GULP1: variants seen among roughly 807,000 people sequenced by gnomAD.
The protein encoded by GULP1 is GULP PTB domain containing engulfment adaptor 1, also known as PTB domain-containing engulfment adapter protein 1.
In GULP1, 19 loss-of-function variants were observed where a neutral mutation model predicts 40.9. That is an observed-to-expected ratio of 0.46 (90% CI 0.32 to 0.68). The LOEUF is 0.68. GULP1 is among the 30% of genes least tolerant of loss of function. The pLI is 0.03. For synonymous variants in GULP1, 119 were observed against 117.6 expected (o/e 1.01, Z -0.08); for missense variants, 312 against 362.2 (o/e 0.86, Z 1.12).
intron 2 of GULP1, among the ~76,000 whole-genome samples, chr2:188,445,298 A>C (rs2058288457): frequency 6.7e-6 from 1 of 150,106 alleles, no homozygotes; most frequent in Non-Finnish European, 1.5e-5. Context: ...TGTTTAAAGG[A>C]AAAAAAAACA....
At chr2:188,372,523 A>G (rs2047732383) in intron 1 of GULP1, among the ~76,000 whole-genome samples, 1 of 152,020 alleles carries the variant, frequency 6.6e-6, no homozygotes, top group African/African-American at 2.4e-5. Flanking sequence ...ATATGACCTC[A>G]TATTTGTATT....
At position 188,584,127 on chromosome 2, in the gene GULP1, T is replaced by C. The variant is rs1701884058; in HGVS notation, c.610-138T>C. The C allele has an allele frequency of 9.1e-6, 5 of 550,548 alleles. No homozygotes were observed. The East Asian group carries it at 1.5e-4, about 16-fold the overall frequency. 34.1% of individuals were successfully genotyped at this position (550,548 alleles called of 1,614,324 possible). A position where few individuals can be genotyped will look rare whatever the true frequency, so the allele number is the denominator to read the frequency against. ...ATATGAAATTGCGAATACTTAACTA[T>C]TTTTGGTCTACAAAATGGCAAATTC... On this transcript the variant is annotated intron_variant, in intron 9 of 11. Transcript: ENST00000409830.
intron 4 of GULP1, among the ~76,000 whole-genome samples, chr2:188,494,200 A>T (rs552767661): frequency 2.0e-5 from 3 of 152,054 alleles, no homozygotes; most frequent in African/African-American, 7.2e-5. Context: ...CATTAAAAAA[A>T]CACTCTTCCA....
intron 2 of GULP1, among the ~76,000 whole-genome samples, chr2:188,466,859 C>T (rs951183916): frequency 7.2e-5 from 11 of 151,946 alleles, no homozygotes; most frequent in African/African-American, 1.7e-4. Context: ...GGATACTCAC[C>T]GCTATACTAA....
intron 2 of GULP1, among the ~76,000 whole-genome samples, chr2:188,472,896 T>C (rs929411534): frequency 6.6e-6 from 1 of 152,200 alleles, no homozygotes; most frequent in South Asian, 2.1e-4. Flanking sequence ...ATTGTAGTCT[T>C]TGCAGTCTGC....
chr2:188,496,596 A>G (rs182583063), intron 4 of GULP1, among the ~76,000 whole-genome samples: 3 of 152,100 alleles, frequency 2.0e-5, no homozygotes. Context: ...AAAAACCTTT[A>G]AAATTTAAGC....
intron 1 of GULP1, among the ~76,000 whole-genome samples, chr2:188,329,409 C>A (rs898028411): frequency 1.2e-4 from 18 of 152,000 alleles, no homozygotes; most frequent in African/African-American, 4.1e-4. Flanking sequence ...TTATCAGTGA[C>A]ATGTGAAGTA....
intron 1 of GULP1, among the ~76,000 whole-genome samples, chr2:188,372,026 A>G (rs1439354262): frequency 6.6e-6 from 1 of 152,054 alleles, no homozygotes; most frequent in Non-Finnish European, 1.5e-5. Flanking sequence ...GCCTCAAACT[A>G]TGAGATTGGA....
chr2:188,497,343 C>T (rs1034507053), intron 4 of GULP1, among the ~76,000 whole-genome samples: 1 of 151,884 alleles, frequency 6.6e-6, no homozygotes, highest in African/African-American at 2.4e-5. Flanking sequence ...ACATGCATAA[C>T]ATTATAGTAA....
intron 2 of GULP1, among the ~76,000 whole-genome samples, chr2:188,457,211 G>A (rs766407347): frequency 2.0e-5 from 3 of 152,222 alleles, no homozygotes; most frequent in African/African-American, 7.2e-5. Context: ...AGTAAGGCAT[G>A]ATTGGTTTTG....
intron 1 of GULP1, among the ~76,000 whole-genome samples, chr2:188,347,988 A>G (rs1310999193): frequency 1.3e-5 from 2 of 152,198 alleles, no homozygotes; most frequent in African/African-American, 4.8e-5. Flanking sequence ...TATGGAACTT[A>G]TTATCAACTG....
chr2:188,417,362 CTG>C (rs982944530), intron 2 of GULP1, among the ~76,000 whole-genome samples: 1 of 152,150 alleles, frequency 6.6e-6, no homozygotes, highest in Non-Finnish European at 1.5e-5. Context: ...CACTTACTTC[CTG>C]TGCAGAAGTT....
intron 2 of GULP1, among the ~76,000 whole-genome samples, chr2:188,397,070 A>T (rs2051383445): frequency 6.6e-6 from 1 of 152,196 alleles, no homozygotes. Flanking sequence ...TAGAAGATGC[A>T]GGCTGTAGCC....
intron 1 of GULP1, among the ~76,000 whole-genome samples, chr2:188,371,720 C>T (rs1372986141): frequency 6.6e-6 from 1 of 152,052 alleles, no homozygotes; most frequent in Non-Finnish European, 1.5e-5. Context: ...AATAGGCTGA[C>T]ATCTATTATA....
At chr2:188,348,938 A>G (rs2044074629) in intron 1 of GULP1, among the ~76,000 whole-genome samples, 1 of 152,236 alleles carries the variant, frequency 6.6e-6, no homozygotes, top group Non-Finnish European at 1.5e-5. Context: ...CTTTTTCTCA[A>G]TAGTAGATGG....
At chr2:188,350,070 G>C (rs992765270) in intron 1 of GULP1, among the ~76,000 whole-genome samples, 1 of 152,076 alleles carries the variant, frequency 6.6e-6, no homozygotes, top group African/African-American at 2.4e-5. Flanking sequence ...TGATGTATAG[G>C]CCTAGATTTA....
chr2:188,486,800 T>C (rs572802706), intron 4 of GULP1, among the ~76,000 whole-genome samples: 5 of 152,074 alleles, frequency 3.3e-5, no homozygotes, highest in African/African-American at 1.2e-4. Context: ...ATTGGGAATC[T>C]TTTATATTAT....
chr2:188,328,444 A>T (rs1022618335), intron 1 of GULP1, among the ~76,000 whole-genome samples: 3 of 152,104 alleles, frequency 2.0e-5, no homozygotes, highest in South Asian at 2.1e-4. Context: ...TCTTAATGCC[A>T]TATTATCCTG....
At chr2:188,452,950 T>C (rs1453470795) in intron 2 of GULP1, among the ~76,000 whole-genome samples, 1 of 152,072 alleles carries the variant, frequency 6.6e-6, no homozygotes, top group Admixed American at 6.6e-5. Context: ...TGTAAAACAG[T>C]CAACTTAAAT....
Sources: allele counts gnomAD v4.1 joint callset (sites outside exome capture counted in the v4.1 genomes callset), GRCh38; gene constraint gnomAD v4.1.1; transcripts MANE v1.5; gene names NCBI Gene and HGNC (gene_info 2026-07-23, HGNC 2026-07-21).